Variants in FKBP5 observed in about 807,000 individuals in gnomAD.
The protein encoded by FKBP5 is peptidyl-prolyl cis-trans isomerase FKBP5.
A neutral mutation model predicts 50.5 loss-of-function variants in FKBP5; 23 were observed. The observed-to-expected ratio is 0.46, with a 90% CI of 0.33 to 0.65. The LOEUF (loss-of-function observed/expected upper bound fraction) is 0.65. FKBP5 is among the 30% of genes least tolerant of loss of function. The probability of loss-of-function intolerance (pLI) is 0.02; values close to 1 mark genes in which losing one functional copy is unlikely to be tolerated. For missense variants in FKBP5, 411 were observed against 553.1 expected, an observed-to-expected ratio of 0.74 and a Z score of 2.58; for synonymous variants, 176 against 190.6, an observed-to-expected ratio of 0.92 and a Z score of 0.63.
Position 35,575,584 on chromosome 6 carries a change from C to T in FKBP5, c.*251G>A. The T allele has an allele frequency of 2.2e-6, 1 of 456,452 alleles. No homozygotes were observed. The highest frequency in any genetic ancestry group is 4.0e-6 in the Non-Finnish European group (1 of 250,010). 28.3% of individuals were successfully genotyped at this position (456,452 alleles called of 1,614,324 possible). A position where few individuals can be genotyped will look rare whatever the true frequency, so the allele number is the denominator to read the frequency against. ...ACTGAAATGAGCTGGACTTAAGCTGCTGGCTCACTCCCTCCACACCACAGT... is the reference window on the plus strand; with the variant it reads ...ACTGAAATGAGCTGGACTTAAGCTGTTGGCTCACTCCCTCCACACCACAGT... On this transcript the variant is annotated 3_prime_UTR_variant, in exon 11 of 11. Transcript: ENST00000357266.
rs34841223 is a variant in FKBP5, at chr6:35,707,215, C to CTTTTTTTT, written c.-20+13105_-20+13112dup. Among the ~76,000 whole-genome samples, 3 of 116,928 alleles carry CTTTTTTTT rather than the reference C, an allele frequency of 2.6e-5. 1 individual carries two copies. The highest frequency in any genetic ancestry group is 1.0e-4 in the Admixed American group (1 of 9,718). 76.7% of individuals were successfully genotyped at this position (116,928 alleles called of 152,430 possible). A position where few individuals can be genotyped will look rare whatever the true frequency, so the allele number is the denominator to read the frequency against. ...CAGATCACTGGTAAGTATGAGAAGA[C>CTTTTTTTT]TTTTTTTTTTTTTTTTTTGAGATGG... is the stretch of plus-strand genomic sequence containing the variant. On this transcript the variant is annotated intron_variant, in intron 2 of 11. Transcript: ENST00000536438.
chr6:35,708,814 AG>A (rs1208179258), intron 2 of FKBP5, among the ~76,000 whole-genome samples: 1 of 152,118 alleles, frequency 6.6e-6, no homozygotes, highest in Non-Finnish European at 1.5e-5. Flanking sequence ...GCAGGAGCTC[AG>A]ACAGCCATAT....
chr6:35,713,679 C>G (rs1766457578), intron 2 of FKBP5, among the ~76,000 whole-genome samples: 1 of 152,138 alleles, frequency 6.6e-6, no homozygotes, highest in African/African-American at 2.4e-5. Flanking sequence ...GAGCTTTTTC[C>G]CAGACTTAAA....
intron 1 of FKBP5, chr6:35,664,774 T>C (rs1229035621): frequency 6.5e-6 from 1 of 154,188 alleles, no homozygotes; most frequent in African/African-American, 2.4e-5. Context: ...ATAGAGGTAG[T>C]AGCTGAAATT....
At chr6:35,584,191 C>T (rs780809651) in intron 8 of FKBP5, 141 of 985,252 alleles carry the variant, frequency 1.4e-4, no homozygotes, top group Non-Finnish European at 1.7e-4. Context: ...TATGCTGTTA[C>T]CTGTACTTAA....
At position 35,574,748 on chromosome 6, in the gene FKBP5, T is replaced by A. The variant is rs1006485797; in HGVS notation, c.*1087A>T. 6.6e-6 allele frequency: 1 copy of A among 152,596 alleles called. No individual in the cohort carries two copies. Among genetic ancestry groups the A allele is most frequent in the African/African-American group, 2.4e-5 (1 of 41,448 alleles). 9.5% of individuals were successfully genotyped at this position (152,596 alleles called of 1,614,324 possible). On this transcript the variant is annotated 3_prime_UTR_variant, in exon 11 of 11. Coordinates refer to ENST00000357266, the MANE Select transcript of FKBP5 (RefSeq NM_004117.4). ...TAAGCTTAGTACTAAAAAGTCAAAA[T>A]TTTTTTGCATGATAGAGGAGTGTAA...
chr6:35,695,162 T>C (rs1464484388), intron 2 of FKBP5, among the ~76,000 whole-genome samples: 10 of 152,144 alleles, frequency 6.6e-5, no homozygotes, highest in Admixed American at 6.5e-4. Context: ...CACTTCTATT[T>C]ATTTTTGTTT....
At chr6:35,633,229 C>T (rs1561867750) in intron 3 of FKBP5, among the ~76,000 whole-genome samples, 1 of 151,848 alleles carries the variant, frequency 6.6e-6, no homozygotes, top group African/African-American at 2.4e-5. Context: ...GATAAACTAC[C>T]TAATGCTATA....
chr6:35,591,588 C>T (rs949788520), intron 6 of FKBP5, among the ~76,000 whole-genome samples: 3 of 151,722 alleles, frequency 2.0e-5, no homozygotes, highest in African/African-American at 7.3e-5. Context: ...GAATTTTCCC[C>T]TAAGTTTTAT....
At chr6:35,666,394 TAAAAAAAAAAAAAAAA>T (rs550878351) in intron 1 of FKBP5, among the ~76,000 whole-genome samples, 1 of 33,268 alleles carries the variant, frequency 3.0e-5, no homozygotes, top group African/African-American at 1.1e-4. Context: ...CTATTATAGT[TAAAAAAAAAAAAAAAA>T]AAAAAAAAAG....
chr6:35,698,257 G>T (rs1003692951), intron 2 of FKBP5, among the ~76,000 whole-genome samples: 1 of 152,084 alleles, frequency 6.6e-6, no homozygotes, highest in Non-Finnish European at 1.5e-5. Flanking sequence ...CAGGAGAATC[G>T]CTTGAACCTG....
At position 35,575,850 on chromosome 6, in the gene FKBP5, A is replaced by G. The variant is rs1212603061; in HGVS notation, c.1359T>C (p.Pro453=). ...TGGCGTGGCGTCATACGTGGCCCTCAGGTTTCTCTTCTTCCATTGCTTGAC... is the reference window on the plus strand; with the variant it reads ...TGGCGTGGCGTCATACGTGGCCCTCGGGTTTCTCTTCTTCCATTGCTTGAC... ...TDSQAMEEEK[P]EGHV Residue 453 remains proline, a synonymous_variant, in exon 11 of 11, where the codon CCT becomes CCC. Transcript: ENST00000357266. 1 of 1,613,136 alleles carries G rather than the reference A, an allele frequency of 6.2e-7. No homozygotes were observed. Among genetic ancestry groups the G allele is most frequent in the East Asian group, 2.2e-5 (1 of 44,874 alleles).
intron 1 of FKBP5, among the ~76,000 whole-genome samples, chr6:35,682,685 T>C (rs1765701354): frequency 6.6e-6 from 1 of 152,132 alleles, no homozygotes; most frequent in Non-Finnish European, 1.5e-5. Context: ...CAGTCTGATT[T>C]TTCTTCATCT....
At chr6:35,722,798 T>C (rs889779266) in intron 1 of FKBP5, among the ~76,000 whole-genome samples, 1 of 152,212 alleles carries the variant, frequency 6.6e-6, no homozygotes, top group African/African-American at 2.4e-5. Context: ...CAAGACATTA[T>C]AATGATCCGT....
Position 35,603,799 on chromosome 6 carries a change from G to C in FKBP5, c.509-6395C>G, listed in dbSNP as rs557203661. Among the ~76,000 whole-genome samples the C allele has an allele frequency of 2.0e-5, 3 of 151,804 alleles. No homozygotes were observed. The East Asian group carries it at 5.8e-4, about 29-fold the overall frequency. ...CACTTACTGCAACCATCTGCCTCCC[G>C]AGTTCAAGGACTTCTTGTGCCTCAG... On this transcript the variant is annotated intron_variant, in intron 5 of 10. Transcript: ENST00000357266.
At chr6:35,657,188 C>T (rs1047202847) in intron 1 of FKBP5, among the ~76,000 whole-genome samples, 1 of 152,140 alleles carries the variant, frequency 6.6e-6, no homozygotes, top group African/African-American at 2.4e-5. Context: ...GCACTCCAGC[C>T]TGGGTGACAA....
chr6:35,642,751 A>G lies in FKBP5; in HGVS notation c.74T>C (p.Ile25Thr). 1.2e-6 allele frequency: 2 copies of G among 1,613,878 alleles called. No homozygotes were observed. The highest frequency in any genetic ancestry group is 2.2e-5 in the South Asian group (2 of 91,038). ...TACTCCCCTGTCTTTTTTGGAGGTA[A>G]TATCCTCTCCCTGCTCAGCAACAGT... ...TATVAEQGED[I>T]TSKKDRGVLK... The change falls in exon 2 of 11, where the codon ATT (isoleucine) becomes ACT (threonine). Residue 25 changes from isoleucine (I) to threonine (T), a missense_variant. This residue lies in a region of FKBP5 where 56 missense variants were observed against 58.2 expected (regional missense o/e 0.96). Transcript: ENST00000357266.
intron 1 of FKBP5, among the ~76,000 whole-genome samples, chr6:35,657,211 T>C (rs941542521): frequency 6.6e-6 from 1 of 152,114 alleles, no homozygotes; most frequent in African/African-American, 2.4e-5. Flanking sequence ...TGAGACTCCG[T>C]CTCAAGTAAA....
chr6:35,588,304 C>T (rs894785793), intron 7 of FKBP5, among the ~76,000 whole-genome samples: 5 of 151,956 alleles, frequency 3.3e-5, no homozygotes, highest in Non-Finnish European at 7.4e-5. Context: ...CGTGAGCTAC[C>T]GCGCCCAGTG....
Sources: allele counts gnomAD v4.1 joint callset (sites outside exome capture counted in the v4.1 genomes callset), GRCh38; gene constraint gnomAD v4.1.1; regional missense constraint gnomAD v4.1.1; transcripts MANE v1.5; gene names NCBI Gene and HGNC (gene_info 2026-07-23, HGNC 2026-07-21).